CYP19A1: variants seen among roughly 807,000 people sequenced by gnomAD.
CYP19A1 encodes cytochrome P450 family 19 subfamily A member 1.
CYP19A1 carries 32 observed loss-of-function variants against 44.4 expected under a neutral mutation model. The observed-to-expected ratio is 0.72, with a 90% confidence interval of 0.54 to 0.97. CYP19A1 has a LOEUF of 0.97. CYP19A1 is among the 50% of genes least tolerant of loss of function. The probability of loss-of-function intolerance (pLI) is 0.00; values close to 1 mark genes in which losing one functional copy is unlikely to be tolerated. For synonymous variants in CYP19A1, 212 were observed against 215.6 expected, an observed-to-expected ratio of 0.98 and a Z score of 0.14; for missense variants, 598 against 637.8, an observed-to-expected ratio of 0.94 and a Z score of 0.67.
At chr15:51,266,211 A>G (rs544171215) in intron 1 of CYP19A1, among the ~76,000 whole-genome samples, 1 of 152,370 alleles carries the variant, frequency 6.6e-6, no homozygotes, top group Non-Finnish European at 1.5e-5. Context: ...ATGTGTGCCT[A>G]CAAATCACAT....
chr15:51,264,667 G>A (rs529770073), intron 1 of CYP19A1, among the ~76,000 whole-genome samples: 15 of 152,254 alleles, frequency 9.9e-5, no homozygotes, highest in African/African-American at 1.9e-4. Flanking sequence ...AAGGATCACC[G>A]GGGAACAAGA....
At chr15:51,240,110 T>C (rs1325466754) in intron 2 of CYP19A1, among the ~76,000 whole-genome samples, 2 of 141,202 alleles carry the variant, frequency 1.4e-5, no homozygotes, top group African/African-American at 5.3e-5. Flanking sequence ...CTCAGGACTT[T>C]CATAGCCCCT....
intron 7 of CYP19A1, 43 bp downstream of exon 7, chr15:51,215,660 T>A: frequency 1.2e-6 from 2 of 1,613,772 alleles, no homozygotes; most frequent in Non-Finnish European, 1.7e-6. Flanking sequence ...TACACAGTCA[T>A]AACATATGTG....
At chr15:51,288,412 G>GCTT (rs1288816892) in intron 1 of CYP19A1, among the ~76,000 whole-genome samples, 6 of 152,134 alleles carry the variant, frequency 3.9e-5, no homozygotes. Context: ...TTGAGTCACA[G>GCTT]CTTCTCCACC....
chr15:51,316,727 A>G (rs950567731), intron 1 of CYP19A1, among the ~76,000 whole-genome samples: 7 of 152,074 alleles, frequency 4.6e-5, no homozygotes, highest in Admixed American at 4.6e-4. Context: ...AAAAAAAAAA[A>G]AGGAAGAAAG....
At chr15:51,267,271 A>T (rs1274744043) in intron 1 of CYP19A1, among the ~76,000 whole-genome samples, 2 of 152,110 alleles carry the variant, frequency 1.3e-5, no homozygotes, top group African/African-American at 4.8e-5. Flanking sequence ...AGCGGTCTCC[A>T]GCCGGCTGCC....
Position 51,271,409 on chromosome 15 carries a change from C to T in CYP19A1, c.-38-28459G>A, listed in dbSNP as rs926264285. 3.9e-5 allele frequency among the ~76,000 whole-genome samples: 6 copies of T among 152,352 alleles called. No homozygotes were observed. The South Asian group carries it at 6.2e-4, about 16-fold the overall frequency. Reference sequence around the variant, plus strand: ...AGCATCCAAATGATGTTTTCCAGATCGTTCCCCTGTCTTCCTGTACTCTCA... The same window carrying T: ...AGCATCCAAATGATGTTTTCCAGATTGTTCCCCTGTCTTCCTGTACTCTCA... On this transcript the variant is annotated intron_variant, in intron 1 of 9. Coordinates refer to ENST00000396402, the MANE Select transcript of CYP19A1 (RefSeq NM_000103.4).
chr15:51,291,615 G>C (rs1480470877), intron 1 of CYP19A1, among the ~76,000 whole-genome samples: 1 of 152,196 alleles, frequency 6.6e-6, no homozygotes, highest in Admixed American at 6.5e-5. Context: ...CAAGACCAAC[G>C]TAGAGAGGGA....
At chr15:51,213,330 T>C (rs2031222938) in intron 8 of CYP19A1, among the ~76,000 whole-genome samples, 1 of 152,146 alleles carries the variant, frequency 6.6e-6, no homozygotes, top group South Asian at 2.1e-4. Context: ...CAAAGAGACT[T>C]AGATTATTCC....
intron 1 of CYP19A1, among the ~76,000 whole-genome samples, chr15:51,262,490 C>T (rs971258677): frequency 1.8e-4 from 28 of 152,180 alleles, no homozygotes; most frequent in Admixed American, 3.3e-4. Flanking sequence ...TCTCTTGAAA[C>T]AGAATCACAA....
intron 1 of CYP19A1, among the ~76,000 whole-genome samples, chr15:51,270,698 G>A (rs1267970605): frequency 6.6e-6 from 1 of 152,148 alleles, no homozygotes; most frequent in East Asian, 1.9e-4. Context: ...CTTTGACAGG[G>A]TCTCAACAGT....
At chr15:51,299,715 T>G (rs1405086604) in intron 1 of CYP19A1, among the ~76,000 whole-genome samples, 2 of 152,230 alleles carry the variant, frequency 1.3e-5, no homozygotes, top group Non-Finnish European at 2.9e-5. Flanking sequence ...GTGCCACCTT[T>G]CTGGCTTATC....
chr15:51,329,661 T>C (rs1050137232), intron 1 of CYP19A1, among the ~76,000 whole-genome samples: 1 of 152,250 alleles, frequency 6.6e-6, no homozygotes, highest in African/African-American at 2.4e-5. Context: ...TGATCACTCC[T>C]CTTCAGCGAG....
intron 1 of CYP19A1, among the ~76,000 whole-genome samples, chr15:51,305,951 G>A (rs557874947): frequency 2.0e-5 from 3 of 152,276 alleles, no homozygotes; most frequent in East Asian, 1.9e-4. Context: ...GTTGAGGACC[G>A]AAAGGATGCT....
At chr15:51,252,985 C>T (rs1172205619) in intron 1 of CYP19A1, among the ~76,000 whole-genome samples, 1 of 152,074 alleles carries the variant, frequency 6.6e-6, no homozygotes, top group African/African-American at 2.4e-5. Flanking sequence ...TGCAAGATAC[C>T]AAGCTGAGGA....
At chr15:51,240,098 T>C (rs893172502) in intron 2 of CYP19A1, among the ~76,000 whole-genome samples, 4 of 128,290 alleles carry the variant, frequency 3.1e-5, no homozygotes, top group African/African-American at 8.9e-5. Context: ...AATGACCCTT[T>C]CCTCAGGACT....
At chr15:51,325,746 G>A (rs113203596) in intron 1 of CYP19A1, among the ~76,000 whole-genome samples, 4 of 139,160 alleles carry the variant, frequency 2.9e-5, no homozygotes, top group Admixed American at 2.5e-4. Flanking sequence ...ACTGAGGCAA[G>A]AGAATCGCTT....
chr15:51,249,204 G>A (rs1439195689), intron 1 of CYP19A1, among the ~76,000 whole-genome samples: 1 of 152,106 alleles, frequency 6.6e-6, no homozygotes, highest in Non-Finnish European at 1.5e-5. Flanking sequence ...GCCTCCCAAA[G>A]AGCTGGGATT....
intron 1 of CYP19A1, among the ~76,000 whole-genome samples, chr15:51,269,780 C>T (rs768309073): frequency 6.6e-6 from 1 of 152,214 alleles, no homozygotes; most frequent in Non-Finnish European, 1.5e-5. Flanking sequence ...CAGAGCTATA[C>T]TGTTGTCTGA....
Sources: allele counts gnomAD v4.1 joint callset (sites outside exome capture counted in the v4.1 genomes callset), GRCh38; gene constraint gnomAD v4.1.1; transcripts MANE v1.5; gene names NCBI Gene and HGNC (gene_info 2026-07-23, HGNC 2026-07-21).